HEMK2: variants seen among roughly 807,000 people sequenced by gnomAD.
HEMK2 encodes HemK methyltransferase 2, ETF1 glutamine and histone H4 lysine.
At chr21:28,588,558 C>A in the HEMK2 span, among the ~76,000 whole-genome samples, 54 of 151,934 alleles carry the variant, frequency 3.6e-4, no homozygotes, top group African/African-American at 1.3e-3. Context: ...AGAATTCAAA[C>A]CAGAAACAAA....
At chr21:28,602,654 G>A in the HEMK2 span, among the ~76,000 whole-genome samples, 1 of 152,190 alleles carries the variant, frequency 6.6e-6, no homozygotes, top group Non-Finnish European at 1.5e-5. Context: ...GAAGATCTGT[G>A]TCACATTAGA....
At chr21:28,646,811 T>C in the HEMK2 span, among the ~76,000 whole-genome samples, 1 of 152,162 alleles carries the variant, frequency 6.6e-6, no homozygotes. Flanking sequence ...TCCAACAGCA[T>C]TGGTTGGGGC....
At chr21:28,698,243 C>A in the HEMK2 span, among the ~76,000 whole-genome samples, 18 of 152,184 alleles carry the variant, frequency 1.2e-4, no homozygotes, top group Non-Finnish European at 2.5e-4. Context: ...GTGTTTGAAT[C>A]ACTATGCAAC....
chr21:28,727,991 G>C, the HEMK2 span, among the ~76,000 whole-genome samples: 1 of 152,200 alleles, frequency 6.6e-6, no homozygotes, highest in African/African-American at 2.4e-5. Context: ...TGTGACAATG[G>C]AAACAGAGAT....
At chr21:28,878,188 T>C in the HEMK2 span, 1 of 1,565,618 alleles carries the variant, frequency 6.4e-7, no homozygotes, top group Non-Finnish European at 8.7e-7. Context: ...TTGGTCTGTA[T>C]TACCTGGGTT....
the HEMK2 span, among the ~76,000 whole-genome samples, chr21:28,581,219 T>C: frequency 6.8e-6 from 1 of 146,848 alleles, no homozygotes; most frequent in South Asian, 2.3e-4. Flanking sequence ...GGTGCAAAAG[T>C]ATGGCTTTTT....
At chr21:28,831,518 A>G in the HEMK2 span, among the ~76,000 whole-genome samples, 251 of 76,594 alleles carry the variant, frequency 3.3e-3, 2 homozygotes, top group East Asian at 0.01. Flanking sequence ...AAAGAAAGAA[A>G]GAAAGAAGGA....
At chr21:28,779,675 C>T in the HEMK2 span, among the ~76,000 whole-genome samples, 1 of 152,142 alleles carries the variant, frequency 6.6e-6, no homozygotes, top group South Asian at 2.1e-4. Context: ...CTTTCTCCTG[C>T]CATGTTTCCC....
the HEMK2 span, among the ~76,000 whole-genome samples, chr21:28,598,787 C>G: frequency 1.3e-5 from 2 of 152,148 alleles, no homozygotes; most frequent in Middle Eastern, 3.2e-3. Flanking sequence ...GAAAGTTTTT[C>G]TCAATCGCAG....
At chr21:28,665,901 T>C in the HEMK2 span, among the ~76,000 whole-genome samples, 2 of 152,184 alleles carry the variant, frequency 1.3e-5, no homozygotes, top group Admixed American at 6.5e-5. Flanking sequence ...TTTATATATT[T>C]GGGTACTTCA....
the HEMK2 span, among the ~76,000 whole-genome samples, chr21:28,855,510 T>C: frequency 6.6e-6 from 1 of 152,172 alleles, no homozygotes; most frequent in South Asian, 2.1e-4. Flanking sequence ...ACTCAACACT[T>C]GACCAAATGG....
chr21:28,841,090 TA>T, the HEMK2 span, among the ~76,000 whole-genome samples: 1 of 44,412 alleles, frequency 2.3e-5, no homozygotes, highest in Admixed American at 4.3e-4. Flanking sequence ...ATATATTATA[TA>T]TATTATATAT....
the HEMK2 span, among the ~76,000 whole-genome samples, chr21:28,799,315 A>G: frequency 6.6e-6 from 1 of 152,148 alleles, no homozygotes; most frequent in Non-Finnish European, 1.5e-5. Flanking sequence ...TCCCTTTTTA[A>G]AATCATCAGA....
At chr21:28,728,958 A>G in the HEMK2 span, among the ~76,000 whole-genome samples, 2 of 152,222 alleles carry the variant, frequency 1.3e-5, no homozygotes, top group African/African-American at 4.8e-5. Flanking sequence ...CTATTCATAC[A>G]GTGTCCATTC....
the HEMK2 span, among the ~76,000 whole-genome samples, chr21:28,735,821 T>C: frequency 6.6e-6 from 1 of 152,246 alleles, no homozygotes; most frequent in African/African-American, 2.4e-5. Context: ...AAATCTCTTT[T>C]GCTATATAAC....
chr21:28,609,588 A>G, the HEMK2 span, among the ~76,000 whole-genome samples: 3,100 of 150,044 alleles, frequency 0.021, 93 homozygotes, highest in East Asian at 0.11. Flanking sequence ...AAAAAACAAC[A>G]GAAGGTTGAC....
chr21:28,852,100 C>G, the HEMK2 span, among the ~76,000 whole-genome samples: 39,481 of 152,110 alleles, frequency 0.26, 5,894 homozygotes, highest in African/African-American at 0.4. Flanking sequence ...GATGTGGTGG[C>G]GATCACCATC....
chr21:28,766,086 T>C, the HEMK2 span, among the ~76,000 whole-genome samples: 1 of 151,926 alleles, frequency 6.6e-6, no homozygotes, highest in Non-Finnish European at 1.5e-5. Context: ...TTCTCACTCA[T>C]AAGCAGGAAT....
chr21:28,815,836 C>A, the HEMK2 span, among the ~76,000 whole-genome samples: 1 of 152,256 alleles, frequency 6.6e-6, no homozygotes, highest in South Asian at 2.1e-4. Context: ...TTACAGTAAA[C>A]CATACATATA....
Sources: gnomAD v4.1 joint callset for allele counts (sites outside exome capture counted in the v4.1 genomes callset) on GRCh38, gnomAD v4.1.1 for gene constraint, MANE v1.5 for transcripts, NCBI Gene and HGNC (gene_info 2026-07-23, HGNC 2026-07-21) for gene names.